EPHA7: variants seen among roughly 807,000 people sequenced by gnomAD.
The protein encoded by EPHA7 is ephrin type-A receptor 7.
Under a neutral mutation model 112.6 loss-of-function variants are expected in EPHA7, and 25 were observed. The observed-to-expected ratio is 0.22, with a 90% CI of 0.16 to 0.31. The LOEUF is 0.31. EPHA7 is among the 10% of genes least tolerant of loss of function. The probability of loss-of-function intolerance (pLI) is 1.00; values close to 1 mark genes in which losing one functional copy is unlikely to be tolerated. For missense variants in EPHA7, 962 were observed against 1,212.6 expected (o/e 0.79, Z 3.07); for synonymous variants, 437 against 406.5 (o/e 1.07, Z -0.90).
At chr6:93,341,008 C>T (rs1775111750) in intron 5 of EPHA7, among the ~76,000 whole-genome samples, 1 of 151,870 alleles carries the variant, frequency 6.6e-6, no homozygotes, top group Non-Finnish European at 1.5e-5. Flanking sequence ...ACAGTGGAAA[C>T]TGGAAAAGTA....
At chr6:93,303,340 T>C (rs1273425313) in intron 5 of EPHA7, among the ~76,000 whole-genome samples, 1 of 152,124 alleles carries the variant, frequency 6.6e-6, no homozygotes, top group African/African-American at 2.4e-5. Context: ...CCTATCTCCT[T>C]ACTTCTGTGT....
In EPHA7 at chr6:93,243,372, G is replaced by T; in HGVS notation, c.*54C>A. The T allele has an allele frequency of 2.3e-6, 3 of 1,330,568 alleles. No homozygotes were observed. Among genetic ancestry groups the T allele is most frequent in the Non-Finnish European group, 2.2e-6 (2 of 925,112 alleles). 82.4% of individuals were successfully genotyped at this position (1,330,568 alleles called of 1,614,324 possible). A position where few individuals can be genotyped will look rare whatever the true frequency, so the allele number is the denominator to read the frequency against. On this transcript the variant is annotated 3_prime_UTR_variant, in exon 17 of 17. Transcript: ENST00000369303. ...GCAGCATTCTATGCATATACTGAAG[G>T]CCAGTACTGTTCTCTTGCAGTCTGT... is the stretch of plus-strand genomic sequence containing the variant.
At chr6:93,401,331 C>T (rs765847972) in intron 3 of EPHA7, among the ~76,000 whole-genome samples, 2 of 152,038 alleles carry the variant, frequency 1.3e-5, no homozygotes, top group African/African-American at 2.4e-5. Flanking sequence ...CATTCATCGA[C>T]GCTAAACAAA....
At chr6:93,359,854 T>TAGAGAGAGAGAG (rs57690732) in intron 3 of EPHA7, among the ~76,000 whole-genome samples, 10,612 of 124,100 alleles carry the variant, frequency 0.086, 723 homozygotes, top group Non-Finnish European at 0.12. Context: ...CAATAGATGA[T>TAGAGAGAGAGAG]AGAGAGAGAG....
intron 5 of EPHA7, among the ~76,000 whole-genome samples, chr6:93,278,747 C>T (rs149632318): frequency 9.4e-4 from 143 of 151,678 alleles, no homozygotes; most frequent in African/African-American, 3.4e-3. Context: ...TGTGAAGAAG[C>T]TGAGCCTTAA....
At chr6:93,351,286 T>C (rs556327384) in intron 5 of EPHA7, among the ~76,000 whole-genome samples, 4 of 152,200 alleles carry the variant, frequency 2.6e-5, no homozygotes, top group Admixed American at 6.6e-5. Flanking sequence ...ATGATTCCAA[T>C]GAGACCCCAT....
intron 5 of EPHA7, among the ~76,000 whole-genome samples, chr6:93,291,321 G>C (rs345710): frequency 0.025 from 3,868 of 152,114 alleles, 146 homozygotes; most frequent in African/African-American, 0.088. Context: ...AAGAACTTTT[G>C]AATTTAACAG....
At chr6:93,288,816 C>T (rs1772205271) in intron 5 of EPHA7, among the ~76,000 whole-genome samples, 1 of 152,180 alleles carries the variant, frequency 6.6e-6, no homozygotes. Context: ...TAAAATCCAT[C>T]TCTTATGTGT....
intron 5 of EPHA7, among the ~76,000 whole-genome samples, chr6:93,354,207 C>T (rs1207486662): frequency 1.3e-5 from 2 of 151,984 alleles, no homozygotes; most frequent in African/African-American, 2.4e-5. Flanking sequence ...GTTTTGAACT[C>T]GGACAAAGTC....
intron 5 of EPHA7, among the ~76,000 whole-genome samples, chr6:93,305,508 G>A (rs1488922675): frequency 5.9e-5 from 9 of 151,904 alleles, no homozygotes; most frequent in Non-Finnish European, 1.3e-4. Flanking sequence ...AAGAGCCTGT[G>A]TGAGAAAGAA....
intron 5 of EPHA7, among the ~76,000 whole-genome samples, chr6:93,335,724 A>G (rs992203641): frequency 5.3e-5 from 8 of 151,938 alleles, no homozygotes; most frequent in Non-Finnish European, 1.0e-4. Context: ...TGGAAACTAC[A>G]CTCTTTGAAT....
chr6:93,250,782 T>A (rs1478077026), intron 14 of EPHA7, among the ~76,000 whole-genome samples: 4 of 152,128 alleles, frequency 2.6e-5, no homozygotes, highest in African/African-American at 4.8e-5. Context: ...AGTATTCTAA[T>A]AAAATTCATT....
chr6:93,381,312 C>T (rs1487512122), intron 3 of EPHA7, among the ~76,000 whole-genome samples: 1 of 152,056 alleles, frequency 6.6e-6, no homozygotes, highest in African/African-American at 2.4e-5. Flanking sequence ...TAAGTGATAC[C>T]TATCTCATTT....
chr6:93,314,864 T>C (rs979501427), intron 5 of EPHA7, among the ~76,000 whole-genome samples: 5 of 140,430 alleles, frequency 3.6e-5, no homozygotes, highest in South Asian at 2.3e-4. Context: ...TTTTCTTTTT[T>C]TTTTTTTTTT....
At position 93,410,487 on chromosome 6, in the gene EPHA7, G is replaced by T. The variant is rs373763485; in HGVS notation, c.832+14C>A. ...AAAAGGCAAAGTGGAGTTTTAATAG[G>T]ACACATTACTTACGTTCACAAGTGT... is the stretch of plus-strand genomic sequence containing the variant. On this transcript the variant is annotated intron_variant, in intron 3 of 16. Coordinates refer to ENST00000369303, the MANE Select transcript of EPHA7 (RefSeq NM_004440.4). This position sits in a 1 kb window ranked among gnomAD's most constrained non-coding sequence, Gnocchi z 4.0. The T allele has an allele frequency of 1.4e-5, 22 of 1,597,528 alleles. No homozygotes were observed. In the South Asian group the frequency reaches 2.5e-4, roughly 18 times the overall value.
chr6:93,251,698 A>G (rs1196723677), intron 14 of EPHA7, among the ~76,000 whole-genome samples: 1 of 151,970 alleles, frequency 6.6e-6, no homozygotes, highest in African/African-American at 2.4e-5. Context: ...ATCAAGATAT[A>G]AAATTCAGTT....
chr6:93,271,705 G>A (rs563346921), intron 6 of EPHA7, among the ~76,000 whole-genome samples: 3 of 151,936 alleles, frequency 2.0e-5, no homozygotes, highest in African/African-American at 2.4e-5. Context: ...GTGCTAAAAA[G>A]CCATAATATT....
In EPHA7 at chr6:93,365,985, T is replaced by G. The variant is rs377186334; in HGVS notation, c.833-7574A>C. On this transcript the variant is annotated intron_variant, in intron 3 of 16. Coordinates refer to ENST00000369303, the MANE Select transcript of EPHA7 (RefSeq NM_004440.4). ...AGTTTCGTTTCTAAAGTTTAGAATG[T>G]AAAATGAAATAAAACAAAGCATTAT... Among the ~76,000 whole-genome samples the G allele has an allele frequency of 7.9e-5, 12 of 152,158 alleles. No individual in the cohort carries two copies. The East Asian group carries it at 2.1e-3, about 27-fold the overall frequency.
At chr6:93,334,360 T>C (rs1478586743) in intron 5 of EPHA7, among the ~76,000 whole-genome samples, 1 of 151,720 alleles carries the variant, frequency 6.6e-6, no homozygotes, top group Non-Finnish European at 1.5e-5. Context: ...ATGATGAAGA[T>C]GCCAAAAGCA....
Sources: gnomAD v4.1 joint callset for allele counts (sites outside exome capture counted in the v4.1 genomes callset) on GRCh38, gnomAD v4.1.1 for gene constraint, Gnocchi (gnomAD v3.1) non-coding constraint, MANE v1.5 for transcripts, NCBI Gene and HGNC (gene_info 2026-07-23, HGNC 2026-07-21) for gene names.